Variants in RALYL observed in about 807,000 individuals in gnomAD.
RALYL encodes the protein RALY RNA binding protein like.
RALYL carries 29 observed loss-of-function variants against 35.1 expected under a neutral mutation model. The observed-to-expected ratio is 0.83, with a 90% confidence interval of 0.61 to 1.13. The LOEUF is 1.13. RALYL is among the 50% of genes most tolerant of loss of function. RALYL has a pLI of 0.00. For synonymous variants in RALYL, 120 were observed against 127.6 expected, an observed-to-expected ratio of 0.94 and a Z score of 0.40; for missense variants, 359 against 360.4, an observed-to-expected ratio of 1.00 and a Z score of 0.03.
At chr8:84,588,182 G>T (rs11984580) in intron 2 of RALYL, among the ~76,000 whole-genome samples, 1 of 152,098 alleles carries the variant, frequency 6.6e-6, no homozygotes, top group African/African-American at 2.4e-5. Context: ...AGTTAAGCAA[G>T]ATAATTTTTG....
chr8:84,493,776 T>G (rs1192189923), intron 1 of RALYL, among the ~76,000 whole-genome samples: 1 of 152,206 alleles, frequency 6.6e-6, no homozygotes, highest in Non-Finnish European at 1.5e-5. Context: ...TAAATTTGTT[T>G]AAGTTCCTTG....
At chr8:84,814,679 G>C (rs541625389) in intron 4 of RALYL, among the ~76,000 whole-genome samples, 2 of 152,254 alleles carry the variant, frequency 1.3e-5, no homozygotes, top group Admixed American at 1.3e-4. Flanking sequence ...TACTGAGAAA[G>C]AGCATGGAGT....
chr8:84,661,170 C>T (rs1477777019), intron 2 of RALYL, among the ~76,000 whole-genome samples: 1 of 151,934 alleles, frequency 6.6e-6, no homozygotes, highest in African/African-American at 2.4e-5. Flanking sequence ...CCTCATGATC[C>T]TCCCACCTCG....
At chr8:84,466,942 A>C (rs913729487) in intron 1 of RALYL, among the ~76,000 whole-genome samples, 5 of 152,178 alleles carry the variant, frequency 3.3e-5, no homozygotes, top group African/African-American at 4.8e-5. Context: ...AGGTGTTTGT[A>C]GTATTCCCTG....
intron 1 of RALYL, among the ~76,000 whole-genome samples, chr8:84,325,969 G>C (rs951556028): frequency 1.3e-5 from 2 of 152,082 alleles, no homozygotes; most frequent in African/African-American, 4.8e-5. Context: ...AAACTTAGCT[G>C]GGTGTGGTGG....
intron 2 of RALYL, among the ~76,000 whole-genome samples, chr8:84,671,954 C>T (rs1260462924): frequency 1.3e-5 from 2 of 152,200 alleles, no homozygotes; most frequent in Admixed American, 6.5e-5. Context: ...CATTGTCAGG[C>T]TGCAAATTTT....
At chr8:84,398,043 C>G (rs1264777940) in intron 1 of RALYL, among the ~76,000 whole-genome samples, 1 of 152,160 alleles carries the variant, frequency 6.6e-6, no homozygotes. Context: ...GATTTAGATG[C>G]AACAAGAAGT....
chr8:84,654,297 A>ATATG (rs1829498269), intron 2 of RALYL, among the ~76,000 whole-genome samples: 1 of 111,264 alleles, frequency 9.0e-6, no homozygotes, highest in South Asian at 2.5e-4. Context: ...ATATATATAT[A>ATATG]TATATATATA....
chr8:84,302,255 A>G (rs570477350), intron 1 of RALYL, among the ~76,000 whole-genome samples: 77 of 152,292 alleles, frequency 5.1e-4, no homozygotes, highest in African/African-American at 1.6e-3. Context: ...CATATCTAAT[A>G]CAGTGATCAC....
intron 1 of RALYL, among the ~76,000 whole-genome samples, chr8:84,441,646 G>A (rs1563937283): frequency 6.6e-6 from 1 of 152,038 alleles, no homozygotes; most frequent in South Asian, 2.1e-4. Flanking sequence ...GGAGCTAGAA[G>A]AACCAAAAAG....
intron 2 of RALYL, among the ~76,000 whole-genome samples, chr8:84,631,622 G>A (rs939155313): frequency 1.6e-4 from 24 of 151,486 alleles, no homozygotes; most frequent in Non-Finnish European, 5.9e-5. Context: ...TTGATATGAA[G>A]ATCTGTACAT....
chr8:84,208,836 G>A (rs16912524), intron 1 of RALYL, among the ~76,000 whole-genome samples: 6 of 151,752 alleles, frequency 4.0e-5, no homozygotes, highest in African/African-American at 4.8e-5. Context: ...CAAACAAAGC[G>A]GAAACTTTCC....
intron 2 of RALYL, among the ~76,000 whole-genome samples, chr8:84,685,731 C>A (rs1309008208): frequency 6.6e-6 from 1 of 152,012 alleles, no homozygotes; most frequent in Non-Finnish European, 1.5e-5. Flanking sequence ...TTTGTCACTG[C>A]CATATTTTTA....
intron 6 of RALYL, chr8:84,864,733 C>T: frequency 1.7e-6 from 1 of 572,304 alleles, no homozygotes; most frequent in Non-Finnish European, 3.3e-6. Context: ...AGTCAGGGAG[C>T]TTGGCAGGCC....
At chr8:84,513,637 A>G (rs983706330) in intron 1 of RALYL, among the ~76,000 whole-genome samples, 7 of 152,150 alleles carry the variant, frequency 4.6e-5, no homozygotes, top group Non-Finnish European at 5.9e-5. Context: ...TTATCTTGTT[A>G]TATTTAAATA....
chr8:84,425,746 A>G (rs2046337263), intron 1 of RALYL, among the ~76,000 whole-genome samples: 1 of 151,506 alleles, frequency 6.6e-6, no homozygotes, highest in South Asian at 2.1e-4. Context: ...AATAGCATGC[A>G]ATTGCAGCAT....
intron 1 of RALYL, among the ~76,000 whole-genome samples, chr8:84,367,535 A>G (rs1854730386): frequency 6.6e-6 from 1 of 150,982 alleles, no homozygotes; most frequent in Non-Finnish European, 1.5e-5. Flanking sequence ...AATTTTTCAT[A>G]TCTTTCAATA....
At chr8:84,594,447 T>C (rs1354512039) in intron 2 of RALYL, among the ~76,000 whole-genome samples, 3 of 152,036 alleles carry the variant, frequency 2.0e-5, no homozygotes, top group Non-Finnish European at 4.4e-5. Flanking sequence ...AACAAGATTG[T>C]ACTGAAATTC....
chr8:84,674,109 C>A (rs1181882835), intron 2 of RALYL, among the ~76,000 whole-genome samples: 1 of 152,022 alleles, frequency 6.6e-6, no homozygotes, highest in Non-Finnish European at 1.5e-5. Context: ...TAGCTGTATT[C>A]CTAAGTATTT....
Sources: allele counts gnomAD v4.1 joint callset (sites outside exome capture counted in the v4.1 genomes callset), GRCh38; gene constraint gnomAD v4.1.1; transcripts MANE v1.5; gene names NCBI Gene and HGNC (gene_info 2026-07-23, HGNC 2026-07-21).